Variants in ANKRD36 observed in about 807,000 individuals in gnomAD.
ANKRD36 encodes the protein ankyrin repeat domain-containing protein 36A.
In ANKRD36, 179 loss-of-function variants were observed where a neutral mutation model predicts 278.1. That is an observed-to-expected ratio of 0.64 (90% CI 0.57 to 0.73). The LOEUF is 0.73. Among genes scored for constraint, ANKRD36 ranks in the 30% least tolerant of loss-of-function variants. The pLI is 0.00. For missense variants in ANKRD36, 1,159 were observed against 1,956.7 expected, an observed-to-expected ratio of 0.59 and a Z score of 7.69; for synonymous variants, 320 against 641.1, an observed-to-expected ratio of 0.50 and a Z score of 7.57.
intron 62 of ANKRD36, chr2:97,215,824 A>AAGT (rs2065780407): frequency 1.1e-5 from 7 of 618,198 alleles, no homozygotes; most frequent in South Asian, 9.9e-5. Flanking sequence ...GAAAGAGATG[A>AAGT]AGTAATAGAT....
At chr2:97,129,930 C>G (rs1000598228) in intron 6 of ANKRD36, among the ~76,000 whole-genome samples, 15 of 151,968 alleles carry the variant, frequency 9.9e-5, no homozygotes, top group Admixed American at 3.9e-4. Context: ...ATTCTTTTGG[C>G]TTAGGATTGA....
At chr2:97,195,205 G>A (rs1241114911) in intron 40 of ANKRD36, among the ~76,000 whole-genome samples, 3 of 152,098 alleles carry the variant, frequency 2.0e-5, no homozygotes, top group East Asian at 1.9e-4. Context: ...TAATTCGGTA[G>A]CATCTTTTCA....
chr2:97,198,679 A>G (rs2060476861), intron 44 of ANKRD36, 21 bp downstream of exon 44: 1 of 1,535,110 alleles, frequency 6.5e-7, no homozygotes, highest in Non-Finnish European at 8.8e-7. Context: ...AAAGAGATTT[A>G]ATGTCATGTT....
intron 26 of ANKRD36, among the ~76,000 whole-genome samples, chr2:97,183,104 G>A (rs972815491): frequency 1.3e-5 from 2 of 151,748 alleles, no homozygotes; most frequent in Non-Finnish European, 2.9e-5. Flanking sequence ...GTAGCATTTA[G>A]TACCTTCTTT....
chr2:97,131,194 AT>A (rs922425032), intron 6 of ANKRD36, among the ~76,000 whole-genome samples: 153 of 144,004 alleles, frequency 1.1e-3, no homozygotes, highest in Admixed American at 1.0e-3. Context: ...AAGTTTCTTG[AT>A]TTTTTTTTTT....
Position 97,158,848 on chromosome 2 carries a change from TG to T in ANKRD36, c.1389+195del, listed in dbSNP as rs1200382760. On this transcript the variant is annotated intron_variant, in intron 17 of 75. Coordinates refer to ENST00000420699, the MANE Select transcript of ANKRD36 (RefSeq NM_001354587.1). ...CGATGACAAGGATCCTATAAAGGAA[TG>T]GAAGTTCTCAAGGTAATAATAGAAA... Among the ~76,000 whole-genome samples the T allele has an allele frequency of 5.3e-5, 8 of 152,118 alleles. 1 individual carries two copies. In the East Asian group the frequency reaches 1.6e-3, roughly 30 times the overall value.
At chr2:97,174,529 G>A (rs565346962) in intron 22 of ANKRD36, among the ~76,000 whole-genome samples, 16 of 151,804 alleles carry the variant, frequency 1.1e-4, no homozygotes, top group African/African-American at 3.6e-4. Context: ...AGGAGCTATT[G>A]GATAAAATAG....
chr2:97,154,166 G>C (rs77724662), intron 14 of ANKRD36, among the ~76,000 whole-genome samples: 113 of 141,930 alleles, frequency 8.0e-4, no homozygotes, highest in African/African-American at 2.8e-3. Context: ...TCTTTAAGTA[G>C]CTTACATGCT....
At chr2:97,228,936 G>A (rs1415302378) in intron 67 of ANKRD36, among the ~76,000 whole-genome samples, 1 of 152,054 alleles carries the variant, frequency 6.6e-6, no homozygotes, top group African/African-American at 2.4e-5. Context: ...TTTCCATGTA[G>A]TTGAGCGGTT....
At chr2:97,113,959 G>A in intron 1 of ANKRD36, 23 bp downstream of exon 1, 2 of 1,602,694 alleles carry the variant, frequency 1.2e-6, no homozygotes, top group East Asian at 2.3e-5. Flanking sequence ...GGGAGCCGGG[G>A]CTGCGGGAGG....
At chr2:97,204,780 G>A (rs1184537301) in intron 50 of ANKRD36, among the ~76,000 whole-genome samples, 2 of 151,536 alleles carry the variant, frequency 1.3e-5, no homozygotes, top group African/African-American at 4.8e-5. Context: ...GGTTTCTGCT[G>A]AGGAAACCTG....
At chr2:97,209,375 A>C (rs1351785585) in intron 54 of ANKRD36, among the ~76,000 whole-genome samples, 1 of 146,656 alleles carries the variant, frequency 6.8e-6, no homozygotes, top group Non-Finnish European at 1.5e-5. Flanking sequence ...TGTTCCTCTG[A>C]TTTTAGATCA....
intron 66 of ANKRD36, among the ~76,000 whole-genome samples, 165 bp from the exon 67 acceptor site, chr2:97,224,641 G>A (rs866710311): frequency 2.0e-5 from 3 of 151,952 alleles, no homozygotes; most frequent in Non-Finnish European, 4.4e-5. Flanking sequence ...TAGTAGAGAC[G>A]AGGTTTCACC....
intron 36 of ANKRD36, among the ~76,000 whole-genome samples, chr2:97,192,112 A>C (rs1394991839): frequency 6.6e-6 from 1 of 151,756 alleles, no homozygotes; most frequent in African/African-American, 2.4e-5. Flanking sequence ...ATAATATCTA[A>C]TGCTAGTAGC....
chr2:97,190,108 A>G (rs1189305940), intron 34 of ANKRD36, among the ~76,000 whole-genome samples: 1 of 89,010 alleles, frequency 1.1e-5, no homozygotes, highest in African/African-American at 2.6e-5. Context: ...AGAGAACAAC[A>G]TGATACTCCC....
intron 38 of ANKRD36, among the ~76,000 whole-genome samples, chr2:97,194,287 G>A (rs2059183339): frequency 6.6e-6 from 1 of 151,578 alleles, no homozygotes; most frequent in African/African-American, 2.4e-5. Flanking sequence ...CATTTATTGG[G>A]CAAGTTAAAG....
rs1385860505 is a variant in ANKRD36, at chr2:97,202,301, T to A, written c.2887-20T>A. 2 of 1,589,674 alleles carry A rather than the reference T, an allele frequency of 1.3e-6. No individual in the cohort carries two copies. Among genetic ancestry groups the A allele is most frequent in the East Asian group, 4.6e-5 (2 of 43,084 alleles). ...TATGAAACATACTTTATTTATTATT[T>A]CGTTTTAAATTCCATTCAGGGTACA... On this transcript the variant is annotated intron_variant, in intron 47 of 75. Coordinates refer to ENST00000420699, the MANE Select transcript of ANKRD36 (RefSeq NM_001354587.1).
chr2:97,140,480 A>G (rs2042618754), intron 6 of ANKRD36, among the ~76,000 whole-genome samples: 1 of 151,944 alleles, frequency 6.6e-6, no homozygotes, highest in African/African-American at 2.4e-5. Context: ...CTGGAGAGGA[A>G]AATAGGTAAG....
intron 4 of ANKRD36, among the ~76,000 whole-genome samples, chr2:97,123,287 A>T (rs2037435838): frequency 6.9e-6 from 1 of 144,842 alleles, no homozygotes; most frequent in South Asian, 2.2e-4. Context: ...TTGTAATATG[A>T]TGTGGTGTTA....
Sources: allele counts gnomAD v4.1 joint callset (sites outside exome capture counted in the v4.1 genomes callset), GRCh38; gene constraint gnomAD v4.1.1; transcripts MANE v1.5; gene names NCBI Gene and HGNC (gene_info 2026-07-23, HGNC 2026-07-21).